Variants in PIPOX observed in about 807,000 individuals in gnomAD.
PIPOX encodes pipecolic acid and sarcosine oxidase.
Under a neutral mutation model 47.9 loss-of-function variants are expected in PIPOX, and 45 were observed. The observed-to-expected ratio is 0.94, with a 90% CI of 0.74 to 1.20. The LOEUF (loss-of-function observed/expected upper bound fraction) is 1.20, where lower values mean the gene tolerates loss of function less well. Ranked by LOEUF, PIPOX falls within the 50% of genes most tolerant of loss-of-function variation. The probability of loss-of-function intolerance (pLI) is 0.00; values close to 1 mark genes in which losing one functional copy is unlikely to be tolerated. For missense variants in PIPOX, 458 were observed against 498.4 expected, an observed-to-expected ratio of 0.92 and a Z score of 0.77; for synonymous variants, 165 against 191.3, an observed-to-expected ratio of 0.86 and a Z score of 1.13.
At chr17:29,043,646 A>G (rs139404747) in intron 1 of PIPOX, among the ~76,000 whole-genome samples, 364 of 152,150 alleles carry the variant, frequency 2.4e-3, no homozygotes, top group African/African-American at 5.5e-3. Flanking sequence ...TCTGTGCCCA[A>G]ATGGTTGATC....
Position 29,057,166 on chromosome 17 carries a change from G to A in PIPOX, c.*861G>A, listed in dbSNP as rs1273528984. On this transcript the variant is annotated 3_prime_UTR_variant, in exon 8 of 8. Transcript: ENST00000323372. ...CACAAATGCCCATAAAATCTGGCTC[G>A]TCTTTGATGAACAATAAATATTTGT... 1.3e-5 allele frequency: 2 copies of A among 152,100 alleles called. No homozygotes were observed. Among genetic ancestry groups the A allele is most frequent in the Admixed American group, 6.6e-5 (1 of 15,264 alleles). 9.4% of individuals were successfully genotyped at this position (152,100 alleles called of 1,614,324 possible). A position where few individuals can be genotyped will look rare whatever the true frequency, so the allele number is the denominator to read the frequency against.
Position 29,053,420 on chromosome 17 carries a change from T to C in PIPOX, c.485T>C (p.Ile162Thr). The C allele has an allele frequency of 1.2e-6, 2 of 1,609,360 alleles. No homozygotes were observed. Among genetic ancestry groups the C allele is most frequent in the Non-Finnish European group, 1.7e-6 (2 of 1,176,508 alleles). Residue 162 changes from isoleucine to threonine, a missense_variant, in exon 4 of 8, where the codon ATT becomes ACT. By Grantham distance (89) the Ile-to-Thr change is moderately conservative (BLOSUM62 -1). Coordinates refer to ENST00000323372, the MANE Select transcript of PIPOX (RefSeq NM_016518.3). Reference sequence around the variant, plus strand: ...CTGCTCCTGCCCTTTCAGGATGCAATTCGACAGCTAGGAGGCATAGTGCGT... The same window carrying C: ...CTGCTCCTGCCCTTTCAGGATGCAACTCGACAGCTAGGAGGCATAGTGCGT... Reference protein sequence around the residue: ...YKALRALQDAIRQLGGIVRDG... With the variant: ...YKALRALQDATRQLGGIVRDG...
rs1342272856 is a variant in PIPOX at position 29,055,115 on chromosome 17, C to T, written c.860C>T (p.Thr287Ile). 3 of 1,614,172 alleles carry T rather than the reference C, an allele frequency of 1.9e-6. No homozygotes were observed. Among genetic ancestry groups the T allele is most frequent in the Non-Finnish European group, 2.5e-6 (3 of 1,180,022 alleles). ...GACCCTGAGGAGCGGGACTGCCCCA[C>T]AGCACGCACAGACATCGGAGACGTC... The part of the protein sequence containing the change: ...HADPEERDCP[T>I]ARTDIGDVQI... Residue 287 changes from threonine (T) to isoleucine (I), a missense_variant, in exon 6 of 8, where the codon ACA becomes ATA. Coordinates refer to ENST00000323372, the MANE Select transcript of PIPOX (RefSeq NM_016518.3).
Position 29,053,086 on chromosome 17 carries a change from A to T in PIPOX, c.430A>T (p.Asn144Tyr). The change falls in exon 3 of 8, where the codon AAT becomes TAT. Residue 144 changes from asparagine to tyrosine, a missense_variant. Physicochemically the swap from Asn to Tyr is moderately radical, Grantham distance 143. Transcript: ENST00000323372. ...LPRGEVGLLD[N>Y]SGGVIYAYKA... ...CAGGGGAGAAGTGGGGCTCTTGGAC[A>T]ATTCCGGAGGAGTTATCTATGCATA... is the stretch of plus-strand genomic sequence containing the variant. 1 of 1,614,232 alleles carries T rather than the reference A, an allele frequency of 6.2e-7. No homozygotes were observed. The highest frequency in any genetic ancestry group is 1.1e-5 in the South Asian group (1 of 91,086).
At chr17:29,043,462 G>A in intron 1 of PIPOX, 123 bp downstream of exon 1, 1 of 614,876 alleles carries the variant, frequency 1.6e-6, no homozygotes, top group East Asian at 2.9e-5. Context: ...CAAAAATTCT[G>A]TGTAATTTGT....
At position 29,048,285 on chromosome 17, in the gene PIPOX, C is replaced by A. The variant is rs117938135; in HGVS notation, c.263+3278C>A. ...CCCCAGGTTTTTCTAGAAGAACCAG[C>A]ACAATACCATAATACTACTGATAGA... On this transcript the variant is annotated intron_variant, in intron 2 of 7. Coordinates refer to ENST00000323372, the MANE Select transcript of PIPOX (RefSeq NM_016518.3). Among the ~76,000 whole-genome samples, 1,034 of 152,232 alleles carry A rather than the reference C, an allele frequency of 6.8e-3. 6 individuals are homozygous for A. The highest frequency in any genetic ancestry group is 0.012 in the Non-Finnish European group (843 of 68,032).
In PIPOX at chr17:29,054,645, A is replaced by C; in HGVS notation, c.761A>C (p.His254Pro). ...PCFLWLGLCP[H>P]HIYGLPTGEY... is the part of the protein sequence containing the mutation. ...TTCCTGTGGCTGGGCTTGTGTCCCC[A>C]CCACATCTACGGACTGCCCACAGGA... is the stretch of plus-strand genomic sequence containing the variant. Residue 254 changes from histidine (H) to proline (P), a missense_variant, in exon 5 of 8, where the codon CAC (histidine) becomes CCC (proline). Physicochemically the swap from His to Pro is moderately conservative, Grantham distance 77. Coordinates refer to ENST00000323372, the MANE Select transcript of PIPOX (RefSeq NM_016518.3). 3 of 1,614,084 alleles carry C rather than the reference A, an allele frequency of 1.9e-6. No homozygotes were observed. The highest frequency in any genetic ancestry group is 2.5e-6 in the Non-Finnish European group (3 of 1,179,992).
Position 29,055,049 on chromosome 17 carries a change from T to G in PIPOX, c.808-14T>G. The G allele has an allele frequency of 1.2e-6, 2 of 1,614,070 alleles. No homozygotes were observed. The highest frequency in any genetic ancestry group is 8.5e-7 in the Non-Finnish European group (1 of 1,179,990). On this transcript the variant is annotated splice_polypyrimidine_tract_variant and intron_variant, in intron 5 of 7. Transcript: ENST00000323372. ...CCAGCCCTCACCACTCATGCCACTC[T>G]GATTGGGAGCCAGGTCAGCTATCAC...
intron 7 of PIPOX, 106 bp from the exon 8 acceptor site, chr17:29,056,069 G>A: frequency 6.8e-7 from 1 of 1,470,132 alleles, no homozygotes; most frequent in Non-Finnish European, 9.4e-7. Flanking sequence ...CTGGCTTTGG[G>A]ATGTGACCAG....
At position 29,055,836 on chromosome 17, in the gene PIPOX, T is replaced by C; in HGVS notation, c.990T>C (p.Ile330=). ...MYTNTPDEQF[I]LDRHPKYDNI... ...AGAATACCCCTGATGAGCAGTTCAT[T>C]CTCGATCGCCACCCAAAGTATGACA... is the stretch of plus-strand genomic sequence containing the variant. The change falls in exon 7 of 8, where the codon ATT becomes ATC. Residue 330 remains isoleucine, a synonymous_variant. Transcript: ENST00000323372. The C allele has an allele frequency of 6.2e-7, 1 of 1,613,966 alleles. No individual in the cohort carries two copies. The highest frequency in any genetic ancestry group is 8.5e-7 in the Non-Finnish European group (1 of 1,179,854).
intron 1 of PIPOX, chr17:29,044,460 T>A (rs1290315832): frequency 1.3e-5 from 2 of 154,948 alleles, no homozygotes; most frequent in African/African-American, 2.4e-5. Context: ...AAGAGAGAAT[T>A]TGGAAAGATT....
At chr17:29,053,671 G>T in intron 4 of PIPOX, 76 bp downstream of exon 4, 1 of 1,153,878 alleles carries the variant, frequency 8.7e-7, no homozygotes, top group Non-Finnish European at 1.2e-6. Context: ...TTTGAGTCCT[G>T]GATCTGCCTC....
chr17:29,046,532 G>A, intron 2 of PIPOX: 1 of 917,268 alleles, frequency 1.1e-6, no homozygotes, highest in Non-Finnish European at 1.3e-6. Context: ...TGAAATACTT[G>A]GCCCAATGTC....
intron 2 of PIPOX, among the ~76,000 whole-genome samples, chr17:29,050,695 A>C (rs1454968979): frequency 6.6e-6 from 1 of 152,050 alleles, no homozygotes; most frequent in Non-Finnish European, 1.5e-5. Context: ...AAATTAGCCA[A>C]GTGTGGTGGC....
At chr17:29,048,480 GAC>G (rs1328910652) in intron 2 of PIPOX, among the ~76,000 whole-genome samples, 1 of 152,252 alleles carries the variant, frequency 6.6e-6, no homozygotes, top group African/African-American at 2.4e-5. Flanking sequence ...AACAGACAAT[GAC>G]ACATGTGTCA....
Position 29,043,341 on chromosome 17 carries a change from T to A in PIPOX, c.114+2T>A, listed in dbSNP as rs780914543. On this transcript the variant is annotated splice_donor_variant, in intron 1 of 7. Transcript: ENST00000323372. LOFTEE classifies it high-confidence loss of function. ...AAGAGGATCCTCCTGCTGGAGCAGG[T>A]ACTGTGTCCCTTCTGCACCCCCAGC... The A allele has an allele frequency of 1.2e-6, 2 of 1,602,756 alleles. No individual in the cohort carries two copies. The highest frequency in any genetic ancestry group is 3.3e-5 in the Admixed American group (2 of 59,952).
At chr17:29,051,203 C>CA (rs1008892626) in intron 2 of PIPOX, among the ~76,000 whole-genome samples, 21 of 152,302 alleles carry the variant, frequency 1.4e-4, no homozygotes, top group African/African-American at 4.6e-4. Context: ...AGAAAAAAGA[C>CA]AGTCAGCTGA....
chr17:29,053,646 C>A (rs759260533), intron 4 of PIPOX, 51 bp downstream of exon 4: 3 of 1,421,086 alleles, frequency 2.1e-6, no homozygotes, highest in African/African-American at 1.4e-5. Context: ...AGCCTTGGAA[C>A]CAGATGGAGT....
intron 7 of PIPOX, 98 bp downstream of exon 7, chr17:29,055,986 G>A (rs1166870894): frequency 7.6e-7 from 1 of 1,317,502 alleles, no homozygotes; most frequent in Non-Finnish European, 1.1e-6. Context: ...CCAGATAGGT[G>A]TGAAGCCTGG....
Sources: gnomAD v4.1 joint callset for allele counts (sites outside exome capture counted in the v4.1 genomes callset) on GRCh38, gnomAD v4.1.1 for gene constraint, MANE v1.5 for transcripts, NCBI Gene and HGNC (gene_info 2026-07-23, HGNC 2026-07-21) for gene names.